Variants in BANP observed in about 807,000 individuals in gnomAD.
BANP encodes protein BANP.
In BANP, 11 loss-of-function variants were observed where a neutral mutation model predicts 68.1. The ratio of observed to expected loss-of-function variants is 0.16; its 90% CI spans 0.10 to 0.27. The LOEUF (loss-of-function observed/expected upper bound fraction) is 0.27. Among genes scored for constraint, BANP ranks in the 10% least tolerant of loss-of-function variants. BANP has a pLI of 1.00. For missense variants in BANP, 504 were observed against 722.7 expected, an observed-to-expected ratio of 0.70 and a Z score of 3.47; for synonymous variants, 329 against 303.2, an observed-to-expected ratio of 1.09 and a Z score of -0.88.
At chr16:88,066,093 A>T (rs1368248179) in intron 12 of BANP, among the ~76,000 whole-genome samples, 6 of 152,164 alleles carry the variant, frequency 3.9e-5, no homozygotes, top group African/African-American at 1.4e-4. Flanking sequence ...AGCTGTGCCC[A>T]TGCGAGGCGG....
At chr16:88,037,235 A>G (rs1272977333) in intron 10 of BANP, 3 of 152,216 alleles carry the variant, frequency 2.0e-5, no homozygotes, top group Non-Finnish European at 2.9e-5. Context: ...ATTTTTTATT[A>G]TTAGTTTTAT....
chr16:88,058,760 T>C (rs1434147647), intron 11 of BANP, among the ~76,000 whole-genome samples: 2 of 152,180 alleles, frequency 1.3e-5, no homozygotes, highest in Non-Finnish European at 2.9e-5. Flanking sequence ...TGCTCTTGGC[T>C]GCATTGTGTA....
chr16:87,999,604 A>G (rs868568988), intron 4 of BANP, among the ~76,000 whole-genome samples: 78 of 16,124 alleles, frequency 4.8e-3, no homozygotes, highest in Admixed American at 8.7e-3. Context: ...GCGTCTCCAT[A>G]CACGCACGTG....
intron 6 of BANP, among the ~76,000 whole-genome samples, chr16:88,015,859 G>A (rs1242879519): frequency 6.6e-6 from 1 of 152,250 alleles, no homozygotes; most frequent in African/African-American, 2.4e-5. Context: ...GCCTGGGCTG[G>A]GAGCCCACAT....
At chr16:87,986,992 T>G (rs1221109800) in intron 4 of BANP, among the ~76,000 whole-genome samples, 1 of 152,254 alleles carries the variant, frequency 6.6e-6, no homozygotes, top group Non-Finnish European at 1.5e-5. Flanking sequence ...ATCGTTCTGC[T>G]ATTTTCTCAT....
chr16:88,035,897 C>T (rs906354245), intron 10 of BANP, among the ~76,000 whole-genome samples: 9 of 152,242 alleles, frequency 5.9e-5, no homozygotes, highest in South Asian at 2.1e-4. Flanking sequence ...TAGCCCTTGA[C>T]GCACCTGCTG....
At chr16:88,011,278 C>G (rs1215940365) in intron 6 of BANP, among the ~76,000 whole-genome samples, 2 of 152,076 alleles carry the variant, frequency 1.3e-5, no homozygotes, top group East Asian at 3.9e-4. Flanking sequence ...CACCCAGGCT[C>G]CTCCCCACCA....
At chr16:88,039,186 G>A (rs936789184) in intron 11 of BANP, among the ~76,000 whole-genome samples, 5 of 152,194 alleles carry the variant, frequency 3.3e-5, no homozygotes, top group Admixed American at 1.3e-4. Context: ...AGATCAGCAC[G>A]AGGTTTTCTC....
intron 1 of BANP, among the ~76,000 whole-genome samples, chr16:87,954,947 A>C (rs1437385836): frequency 6.6e-6 from 1 of 152,218 alleles, no homozygotes; most frequent in Non-Finnish European, 1.5e-5. Flanking sequence ...GTGAGGTGCC[A>C]AGCCGCCGTT....
At chr16:88,047,928 G>C (rs1305439528) in intron 11 of BANP, among the ~76,000 whole-genome samples, 1 of 152,196 alleles carries the variant, frequency 6.6e-6, no homozygotes, top group Non-Finnish European at 1.5e-5. Flanking sequence ...ATTTAACCCT[G>C]ATTAGCAGGG....
intron 11 of BANP, among the ~76,000 whole-genome samples, chr16:88,055,685 GC>G (rs946884959): frequency 1.3e-5 from 2 of 152,106 alleles, no homozygotes; most frequent in African/African-American, 4.8e-5. Flanking sequence ...CTGAAAAATG[GC>G]CTCTTGTATT....
chr16:88,075,283 T>C (rs947564379), intron 13 of BANP, among the ~76,000 whole-genome samples: 6 of 151,890 alleles, frequency 4.0e-5, no homozygotes, highest in Non-Finnish European at 2.9e-5. Context: ...GAGGCGGAGG[T>C]TGCAATGAGT....
intron 4 of BANP, among the ~76,000 whole-genome samples, chr16:87,996,355 C>T (rs902544146): frequency 2.6e-5 from 4 of 152,250 alleles, no homozygotes; most frequent in Admixed American, 2.0e-4. Context: ...TGCTCACTGG[C>T]TGCATGAGTT....
chr16:87,967,254 C>CTTTT (rs573550962), intron 1 of BANP, among the ~76,000 whole-genome samples: 2 of 106,980 alleles, frequency 1.9e-5, no homozygotes, highest in Admixed American at 9.9e-5. Flanking sequence ...GGAAAAGGTT[C>CTTTT]TTTTTTTTTT....
intron 8 of BANP, among the ~76,000 whole-genome samples, chr16:88,031,338 C>T (rs1346463951): frequency 6.6e-6 from 1 of 152,178 alleles, no homozygotes; most frequent in Non-Finnish European, 1.5e-5. Context: ...TAGCATATTG[C>T]AAGTATCAAC....
At chr16:87,954,143 T>C (rs1451825437) in intron 1 of BANP, among the ~76,000 whole-genome samples, 2 of 152,204 alleles carry the variant, frequency 1.3e-5, no homozygotes, top group South Asian at 2.1e-4. Context: ...TGATGGACGT[T>C]CTAGGTGGAG....
At chr16:87,998,088 C>T (rs956394519) in intron 4 of BANP, among the ~76,000 whole-genome samples, 3 of 152,194 alleles carry the variant, frequency 2.0e-5, no homozygotes, top group East Asian at 3.9e-4. Flanking sequence ...GGTCGAGAGG[C>T]ATTTCCCTCC....
intron 6 of BANP, among the ~76,000 whole-genome samples, chr16:88,013,444 G>A (rs1463452051): frequency 1.3e-5 from 2 of 151,594 alleles, no homozygotes; most frequent in South Asian, 2.1e-4. Flanking sequence ...CTGACAGGAC[G>A]GGCCCTCCCT....
At chr16:88,049,554 G>C (rs2082770938) in intron 11 of BANP, among the ~76,000 whole-genome samples, 1 of 152,186 alleles carries the variant, frequency 6.6e-6, no homozygotes, top group South Asian at 2.1e-4. Context: ...CCCACAGTCA[G>C]CAAGCAGGGG....
Sources: gnomAD v4.1 joint callset for allele counts (sites outside exome capture counted in the v4.1 genomes callset) on GRCh38, gnomAD v4.1.1 for gene constraint, MANE v1.5 for transcripts, NCBI Gene and HGNC (gene_info 2026-07-23, HGNC 2026-07-21) for gene names.